Variants in DHRS2 observed in about 807,000 individuals in gnomAD.
DHRS2 encodes the protein dehydrogenase/reductase 2.
DHRS2 carries 29 observed loss-of-function variants against 26.3 expected under a neutral mutation model. The observed-to-expected ratio is 1.10, with a 90% CI of 0.82 to 1.50. The LOEUF (loss-of-function observed/expected upper bound fraction) is 1.50, where lower values mean the gene tolerates loss of function less well. DHRS2 is among the 40% of genes most tolerant of loss of function. The pLI is 0.00. For missense variants in DHRS2, 439 were observed against 367.1 expected, an observed-to-expected ratio of 1.20 and a Z score of -1.60; for synonymous variants, 164 against 151.3, an observed-to-expected ratio of 1.08 and a Z score of -0.62.
upstream of DHRS2, among the ~76,000 whole-genome samples, chr14:23,635,236 T>A (rs907658705): frequency 2.0e-5 from 3 of 152,158 alleles, no homozygotes; most frequent in Admixed American, 1.3e-4. Context: ...CTAATTTTTA[T>A]AGAGACATGG....
intron 4 of DHRS2, chr14:23,640,386 A>G (rs1209879996): frequency 7.1e-6 from 7 of 985,508 alleles, no homozygotes; most frequent in Non-Finnish European, 8.4e-6. Context: ...CGACAGGACC[A>G]GATCCAGCCA....
chr14:23,643,503 G>A, intron 5 of DHRS2: 1 of 421,976 alleles, frequency 2.4e-6, no homozygotes, highest in Non-Finnish European at 4.4e-6. Flanking sequence ...CTTGTGGGCT[G>A]GTCATTGTCA....
Position 23,639,907 on chromosome 14 carries a change from C to T in DHRS2, c.420+12C>T, listed in dbSNP as rs1037932035. On this transcript the variant is annotated intron_variant, in intron 4 of 8. Coordinates refer to ENST00000250383, the MANE Select transcript of DHRS2 (RefSeq NM_005794.4). ...AGATCTGGGACAAGGTGAGAGGCCT[C>T]CCCTGGGGAGGCGGCTGAGGGCCCG... 16 of 1,568,114 alleles carry T rather than the reference C, an allele frequency of 1.0e-5. No homozygotes were observed. The highest frequency in any genetic ancestry group is 1.9e-5 in the Admixed American group (1 of 52,528).
upstream of DHRS2, among the ~76,000 whole-genome samples, chr14:23,633,199 C>T (rs866786702): frequency 1.3e-5 from 2 of 152,204 alleles, no homozygotes; most frequent in African/African-American, 4.8e-5. Context: ...TTCACATCTG[C>T]GCATAGCTAC....
rs200846413 is a variant in DHRS2, at chr14:23,644,440, C to T, written c.572C>T (p.Ala191Val). The change falls in exon 7 of 9, where the codon GCG (alanine) becomes GTG (valine). Residue 191 changes from alanine to valine, a missense_variant. Coordinates refer to ENST00000250383, the MANE Select transcript of DHRS2 (RefSeq NM_005794.4). ...GGTGTCTACAATGTCAGCAAGACAGCGCTGCTGGGTCTCACTAGAACACTG... is the reference window on the plus strand; with the variant it reads ...GGTGTCTACAATGTCAGCAAGACAGTGCTGCTGGGTCTCACTAGAACACTG... Reference protein sequence around the residue: ...ALGVYNVSKTALLGLTRTLAL... With the variant: ...ALGVYNVSKTVLLGLTRTLAL... 542 of 1,614,168 alleles carry T rather than the reference C, an allele frequency of 3.4e-4. 1 individual carries two copies. In the Middle Eastern group the frequency reaches 4.5e-3, roughly 13 times the overall value.
intron 5 of DHRS2, chr14:23,643,471 G>A: frequency 2.0e-6 from 1 of 505,472 alleles, no homozygotes; most frequent in Non-Finnish European, 3.6e-6. Context: ...TTTGGGACAA[G>A]GCTATGCTTT....
chr14:23,635,187 C>T (rs149626365), upstream of DHRS2, among the ~76,000 whole-genome samples: 481 of 152,104 alleles, frequency 3.2e-3, 2 homozygotes, highest in African/African-American at 0.011. Context: ...CTTAGTCTCC[C>T]GAGTAGCTGT....
At position 23,644,088 on chromosome 14, in the gene DHRS2, C is replaced by A. The variant is rs760796547; in HGVS notation, c.489-23C>A. ...AGTGGTAAGCTCTTAGCTTCAGCTT[C>A]TCTTATGTTTGTCTTGTCTCAGGAG... On this transcript the variant is annotated intron_variant, in intron 5 of 8. Coordinates refer to ENST00000250383, the MANE Select transcript of DHRS2 (RefSeq NM_005794.4). 4.3e-6 allele frequency: 7 copies of A among 1,613,480 alleles called. No individual in the cohort carries two copies. In the South Asian group the frequency reaches 7.7e-5, roughly 18 times the overall value.
chr14:23,636,952 T>G (rs1890333164), intron 1 of DHRS2, among the ~76,000 whole-genome samples, 180 bp downstream of exon 1: 1 of 152,190 alleles, frequency 6.6e-6, no homozygotes, highest in Non-Finnish European at 1.5e-5. Flanking sequence ...TCTGTGGAGT[T>G]GGGAATGTTG....
chr14:23,634,129 G>A (rs1005097041), upstream of DHRS2, among the ~76,000 whole-genome samples: 1 of 135,492 alleles, frequency 7.4e-6, no homozygotes, highest in African/African-American at 2.7e-5. Flanking sequence ...GTGCAGTGGT[G>A]CAATCTTGGC....
At position 23,644,369 on chromosome 14, in the gene DHRS2, C is replaced by G. The variant is rs564515552; in HGVS notation, c.541-40C>G. 7.4e-6 allele frequency: 12 copies of G among 1,611,054 alleles called. No individual in the cohort carries two copies. The African/African-American group carries it at 1.1e-4, about 14-fold the overall frequency. On this transcript the variant is annotated intron_variant, in intron 6 of 8. Coordinates refer to ENST00000250383, the MANE Select transcript of DHRS2 (RefSeq NM_005794.4). ...GAAATCCAACTGATGCTTTCCCCCA[C>G]TCTCCCATATCCTAATCACTCTGTC...
intron 5 of DHRS2, chr14:23,643,785 A>G (rs942135022): frequency 1.0e-4 from 42 of 403,340 alleles, no homozygotes; most frequent in African/African-American, 7.3e-4. Flanking sequence ...TTGCTCATTG[A>G]TAGGCACTCA....
upstream of DHRS2, among the ~76,000 whole-genome samples, chr14:23,636,047 T>C (rs1342660294): frequency 6.6e-6 from 1 of 152,160 alleles, no homozygotes. Flanking sequence ...AATGCACCCA[T>C]CAGCACTCTG....
At chr14:23,641,654 CCTT>C in intron 4 of DHRS2, 1 of 1,289,828 alleles carries the variant, frequency 7.8e-7, no homozygotes, top group Non-Finnish European at 1.0e-6. Flanking sequence ...ATCCTCAATT[CCTT>C]CTTATTAGGG....
chr14:23,643,728 C>T (rs1890760470), intron 5 of DHRS2: 1 of 304,262 alleles, frequency 3.3e-6, no homozygotes, highest in Non-Finnish European at 6.3e-6. Flanking sequence ...AAGGAAAGTT[C>T]CTGACTGTCA....
upstream of DHRS2, among the ~76,000 whole-genome samples, chr14:23,632,920 C>A (rs1240735657): frequency 2.0e-5 from 3 of 152,192 alleles, no homozygotes; most frequent in African/African-American, 7.2e-5. Flanking sequence ...TCCCTGAGTG[C>A]CCTGCTAACT....
chr14:23,644,478 GC>G lies in DHRS2; in HGVS notation c.615del (p.Lys206ArgfsTer5). ...CACTAGAACACTGGCATTGGAGCTG[GC>G]CCCCAAGGACATCCGGGTAAACTGC... ...GLTRTLALEL[A>X]PKDIRVNCVV... On this transcript the variant is annotated frameshift_variant, in exon 7 of 9. Coordinates refer to ENST00000250383, the MANE Select transcript of DHRS2 (RefSeq NM_005794.4). LOFTEE classifies it high-confidence loss of function. 1 of 1,614,192 alleles carries G rather than the reference GC, an allele frequency of 6.2e-7. No individual in the cohort carries two copies. The highest frequency in any genetic ancestry group is 8.5e-7 in the Non-Finnish European group (1 of 1,180,034).
At chr14:23,642,601 CTG>C (rs1256169391) in intron 4 of DHRS2, 1 of 153,228 alleles carries the variant, frequency 6.5e-6, no homozygotes, top group African/African-American at 2.4e-5. Flanking sequence ...GGGTCTCACT[CTG>C]TCACCCAGGC....
At chr14:23,637,577 C>T (rs575600529) in intron 1 of DHRS2, among the ~76,000 whole-genome samples, 25 of 152,184 alleles carry the variant, frequency 1.6e-4, no homozygotes, top group African/African-American at 4.6e-4. Context: ...TTATAGGACA[C>T]GGGTAAGTTC....
Sources: gnomAD v4.1 joint callset for allele counts (sites outside exome capture counted in the v4.1 genomes callset) on GRCh38, gnomAD v4.1.1 for gene constraint, MANE v1.5 for transcripts, NCBI Gene and HGNC (gene_info 2026-07-23, HGNC 2026-07-21) for gene names.